EBF1: variants seen among roughly 807,000 people sequenced by gnomAD.
The protein encoded by EBF1 is transcription factor COE1.
Under a neutral mutation model 68.4 loss-of-function variants are expected in EBF1, and 10 were observed. The ratio of observed to expected loss-of-function variants is 0.15; its 90% CI spans 0.09 to 0.25. The LOEUF (loss-of-function observed/expected upper bound fraction) is 0.25, where lower values mean the gene tolerates loss of function less well. Ranked by LOEUF, EBF1 falls within the 10% of genes least tolerant of loss-of-function variation. EBF1 has a pLI of 1.00. For synonymous variants in EBF1, 298 were observed against 299.8 expected, an observed-to-expected ratio of 0.99 and a Z score of 0.06; for missense variants, 509 against 794.4, an observed-to-expected ratio of 0.64 and a Z score of 4.32.
chr5:158,789,963 A>G (rs1306347946), intron 9 of EBF1, among the ~76,000 whole-genome samples: 2 of 152,188 alleles, frequency 1.3e-5, no homozygotes, highest in South Asian at 4.1e-4. Context: ...TTGGTTTTCC[A>G]ATTTTTTGAT....
intron 6 of EBF1, among the ~76,000 whole-genome samples, chr5:158,999,642 CTAAGTTCA>C (rs1762128742): frequency 6.6e-6 from 1 of 152,114 alleles, no homozygotes; most frequent in Non-Finnish European, 1.5e-5. Context: ...AAAATGAAAA[CTAAGTTCA>C]GCAGTTGCTG....
At chr5:158,858,309 C>T (rs1006095864) in intron 6 of EBF1, among the ~76,000 whole-genome samples, 2 of 152,082 alleles carry the variant, frequency 1.3e-5, no homozygotes, top group Non-Finnish European at 2.9e-5. Context: ...ACAGCAGACC[C>T]GCCTGACACA....
At chr5:158,885,999 C>CTAAG (rs1387015868) in intron 6 of EBF1, among the ~76,000 whole-genome samples, 15 of 152,212 alleles carry the variant, frequency 9.9e-5, no homozygotes, top group Non-Finnish European at 5.9e-5. Flanking sequence ...GGAGGTTGTT[C>CTAAG]TAAGGCAGGA....
chr5:158,984,019 C>A (rs780007810), intron 6 of EBF1, among the ~76,000 whole-genome samples: 122 of 151,670 alleles, frequency 8.0e-4, no homozygotes, highest in Non-Finnish European at 7.4e-4. Context: ...ATGCTGGTTA[C>A]TGTTATAATA....
intron 8 of EBF1, among the ~76,000 whole-genome samples, chr5:158,813,770 T>A: frequency 6.6e-6 from 1 of 152,208 alleles, no homozygotes; most frequent in East Asian, 1.9e-4. Context: ...TGGTTTTAAT[T>A]TATTTCTGCA....
chr5:158,995,690 G>A (rs931273999), intron 6 of EBF1, among the ~76,000 whole-genome samples: 2 of 152,142 alleles, frequency 1.3e-5, no homozygotes, highest in Non-Finnish European at 2.9e-5. Context: ...TCATTGTAAG[G>A]ATTAACTGGA....
intron 13 of EBF1, 137 bp from the exon 14 acceptor site, chr5:158,712,470 C>T: frequency 2.1e-6 from 2 of 940,368 alleles, no homozygotes; most frequent in Admixed American, 2.3e-5. Context: ...GATTCATGTG[C>T]GTGGGTTGGT....
At chr5:158,699,286 G>A in intron 15 of EBF1, 144 bp from the exon 16 acceptor site, 2 of 711,406 alleles carry the variant, frequency 2.8e-6, no homozygotes, top group Non-Finnish European at 4.5e-6. Context: ...CATCTTCTCT[G>A]GAATGAATTT....
At chr5:158,777,329 A>C in intron 10 of EBF1, 84 bp downstream of exon 10, 2 of 1,327,574 alleles carry the variant, frequency 1.5e-6, no homozygotes, top group Non-Finnish European at 2.0e-6. Context: ...AAAATAAAAT[A>C]CATGCTTTTA....
At chr5:158,772,181 T>C (rs561326996) in intron 10 of EBF1, among the ~76,000 whole-genome samples, 2 of 152,136 alleles carry the variant, frequency 1.3e-5, no homozygotes, top group African/African-American at 2.4e-5. Context: ...ACAAAGAATT[T>C]ATGTAAGAAA....
At chr5:158,949,438 TG>T (rs998524958) in intron 6 of EBF1, among the ~76,000 whole-genome samples, 16 of 152,308 alleles carry the variant, frequency 1.1e-4, no homozygotes, top group African/African-American at 3.6e-4. Context: ...GAGACCAGCC[TG>T]GGCAACACAG....
intron 11 of EBF1, among the ~76,000 whole-genome samples, chr5:158,727,074 T>A (rs1282750420): frequency 1.3e-5 from 2 of 152,164 alleles, no homozygotes; most frequent in Non-Finnish European, 2.9e-5. Flanking sequence ...GGAGGTTGAG[T>A]CATGTGTACC....
intron 7 of EBF1, among the ~76,000 whole-genome samples, chr5:158,823,990 T>C (rs1186544671): frequency 6.6e-6 from 1 of 150,674 alleles, no homozygotes; most frequent in Non-Finnish European, 1.5e-5. Context: ...ACTGAAACCA[T>C]CTCATAAAGT....
At chr5:158,839,985 A>G in intron 7 of EBF1, 44 bp downstream of exon 7, 1 of 1,573,488 alleles carries the variant, frequency 6.4e-7, no homozygotes, top group Non-Finnish European at 8.7e-7. Flanking sequence ...CTCTCCTGAT[A>G]TTCATGCCAT....
intron 10 of EBF1, among the ~76,000 whole-genome samples, chr5:158,734,753 C>T (rs1764829086): frequency 6.6e-6 from 1 of 151,670 alleles, no homozygotes; most frequent in Non-Finnish European, 1.5e-5. Context: ...TAATTGGACA[C>T]AATTAACTAC....
intron 6 of EBF1, among the ~76,000 whole-genome samples, chr5:158,914,551 C>T (rs528477703): frequency 6.6e-6 from 1 of 152,226 alleles, no homozygotes; most frequent in South Asian, 2.1e-4. Context: ...ATGAACACAG[C>T]TTCTATGGCA....
chr5:158,933,086 T>A (rs1418469771), intron 6 of EBF1, among the ~76,000 whole-genome samples: 4 of 152,254 alleles, frequency 2.6e-5, no homozygotes, highest in Non-Finnish European at 5.9e-5. Flanking sequence ...TTTGTTTTTT[T>A]AATTTTTTTC....
chr5:158,877,091 C>T lies in EBF1; in HGVS notation c.555-36981G>A, dbSNP rs549882986. 5.3e-5 allele frequency among the ~76,000 whole-genome samples: 8 copies of T among 152,260 alleles called. No individual in the cohort carries two copies. In the South Asian group the frequency reaches 6.2e-4, roughly 12 times the overall value. On this transcript the variant is annotated intron_variant, in intron 6 of 15. Transcript: ENST00000313708. ...TGTATTTTCTTGAAGCCTCTATCTC[C>T]ACCAACTCCTTTTCCTACTGCACCC...
intron 10 of EBF1, among the ~76,000 whole-genome samples, chr5:158,737,266 A>ATTTTTTTTTTTTTTTTTTTTTTTTTT (rs61380054): frequency 1.8e-5 from 1 of 55,640 alleles, no homozygotes. Context: ...ACATGCCCTG[A>ATTTTTTTTTTTTTTTTTTTTTTTTTT]TTTTTTTTTT....
Sources: allele counts gnomAD v4.1 joint callset (sites outside exome capture counted in the v4.1 genomes callset), GRCh38; gene constraint gnomAD v4.1.1; transcripts MANE v1.5; gene names NCBI Gene and HGNC (gene_info 2026-07-23, HGNC 2026-07-21).